BRD4: variants seen among roughly 807,000 people sequenced by gnomAD.
BRD4 encodes bromodomain containing 4.
In BRD4, 16 loss-of-function variants were observed where a neutral mutation model predicts 142.1. The observed-to-expected ratio is 0.11, with a 90% confidence interval of 0.08 to 0.17. BRD4 has a LOEUF of 0.17. Ranked by LOEUF, BRD4 falls within the 10% of genes least tolerant of loss-of-function variation. The pLI, the probability that BRD4 is intolerant of heterozygous loss-of-function variation, is 1.00. For synonymous variants in BRD4, 833 were observed against 707.5 expected (o/e 1.18, Z -2.82); for missense variants, 1,424 against 1,810.9 (o/e 0.79, Z 3.88).
At position 15,239,635 on chromosome 19, in the gene BRD4, G is replaced by C; in HGVS notation, c.3445+24C>G. ...CGGGCCTCGGGGGGCCTGAGCCCTG[G>C]CTGTGGGCAGGGAGAGCACTCACGC... On this transcript the variant is annotated intron_variant, in intron 16 of 19. Coordinates refer to ENST00000679869, the MANE Select transcript of BRD4 (RefSeq NM_001379291.1). The surrounding 1 kb of genome is among the most constrained non-coding windows in gnomAD (Gnocchi z 7.4). The C allele has an allele frequency of 6.4e-7, 1 of 1,563,202 alleles. No homozygotes were observed. Among genetic ancestry groups the C allele is most frequent in the African/African-American group, 1.4e-5 (1 of 73,096 alleles).
At chr19:15,317,245 G>T (rs1474882998) in intron 1 of BRD4, among the ~76,000 whole-genome samples, 1 of 152,152 alleles carries the variant, frequency 6.6e-6, no homozygotes, top group African/African-American at 2.4e-5. Flanking sequence ...TGTTTTCTGA[G>T]GACTTAAGGA....
chr19:15,308,214 A>G (rs1331894323), intron 1 of BRD4, among the ~76,000 whole-genome samples: 2 of 114,270 alleles, frequency 1.8e-5, no homozygotes, highest in Non-Finnish European at 3.4e-5. Context: ...CAAAACTCCC[A>G]TACCTATCAG....
intron 7 of BRD4, among the ~76,000 whole-genome samples, chr19:15,260,074 C>T (rs1038155886): frequency 1.4e-5 from 2 of 147,280 alleles, no homozygotes; most frequent in Admixed American, 1.3e-4. Flanking sequence ...GCCCCCTGCC[C>T]GGCATCCCAC....
intron 1 of BRD4, among the ~76,000 whole-genome samples, chr19:15,323,933 T>C (rs1599531814): frequency 6.6e-6 from 1 of 152,236 alleles, no homozygotes; most frequent in East Asian, 1.9e-4. Context: ...CCCAGGTCAG[T>C]ACCCACATGG....
chr19:15,266,446 G>A (rs1434783821), intron 4 of BRD4, among the ~76,000 whole-genome samples: 1 of 152,156 alleles, frequency 6.6e-6, no homozygotes, highest in Non-Finnish European at 1.5e-5. Context: ...TCCTTCCTCA[G>A]GCACAACTCC....
chr19:15,256,784 T>C (rs2047413879), intron 8 of BRD4, among the ~76,000 whole-genome samples, 180 bp downstream of exon 8: 1 of 152,096 alleles, frequency 6.6e-6, no homozygotes, highest in Non-Finnish European at 1.5e-5. Flanking sequence ...ACATATATCA[T>C]ACATACGTGT....
chr19:15,259,197 C>T (rs1941220278), intron 7 of BRD4, among the ~76,000 whole-genome samples: 1 of 152,178 alleles, frequency 6.6e-6, no homozygotes, highest in African/African-American at 2.4e-5. Context: ...GGCCTGCTGC[C>T]AAGCAGCAGG....
At chr19:15,312,636 AAAC>A (rs1165242941) in intron 1 of BRD4, among the ~76,000 whole-genome samples, 9 of 151,646 alleles carry the variant, frequency 5.9e-5, no homozygotes, top group African/African-American at 1.7e-4. Flanking sequence ...CCGTCAAATC[AAAC>A]AACAACCAAA....
intron 1 of BRD4, among the ~76,000 whole-genome samples, chr19:15,315,385 G>A (rs551727106): frequency 7.2e-5 from 11 of 152,230 alleles, no homozygotes; most frequent in Middle Eastern, 3.4e-3. Context: ...TGCAGTGAAT[G>A]CAGAACAGTG....
At chr19:15,307,829 G>A (rs900014802) in intron 1 of BRD4, among the ~76,000 whole-genome samples, 1 of 152,076 alleles carries the variant, frequency 6.6e-6, no homozygotes, top group African/African-American at 2.4e-5. Flanking sequence ...AACCAGCCCA[G>A]GTCGGCCAGA....
chr19:15,256,130 T>C lies in BRD4; in HGVS notation c.1685A>G (p.Lys562Arg). 1 of 1,611,916 alleles carries C rather than the reference T, an allele frequency of 6.2e-7. No individual in the cohort carries two copies. The highest frequency in any genetic ancestry group is 8.5e-7 in the Non-Finnish European group (1 of 1,179,834). Reference protein sequence around the residue: ...KRKEEVEENKKSKAKEPPPKK... With the variant: ...KRKEEVEENKRSKAKEPPPKK... ...AGGAGGAGGTTCCTTGGCTTTGCTTTTTTTATTCTCTTCCACTTCCTCTTT... is the reference window on the plus strand; with the variant it reads ...AGGAGGAGGTTCCTTGGCTTTGCTTCTTTTATTCTCTTCCACTTCCTCTTT... The change falls in exon 9 of 20, where the codon AAA (lysine) becomes AGA (arginine). Residue 562 changes from lysine (K) to arginine (R), a missense_variant. Lys to Arg is a conservative substitution (Grantham distance 26). Coordinates refer to ENST00000679869, the MANE Select transcript of BRD4 (RefSeq NM_001379291.1).
chr19:15,251,839 T>C (rs1201409999), intron 11 of BRD4, among the ~76,000 whole-genome samples: 1 of 152,022 alleles, frequency 6.6e-6, no homozygotes, highest in African/African-American at 2.4e-5. Context: ...TGGCCAGGAT[T>C]GGGAAGACAA....
intron 5 of BRD4, among the ~76,000 whole-genome samples, 194 bp from the exon 6 acceptor site, chr19:15,264,960 G>C (rs1010867783): frequency 1.3e-5 from 2 of 152,250 alleles, no homozygotes; most frequent in Non-Finnish European, 2.9e-5. Flanking sequence ...AGCTGGGACA[G>C]GACCTGCCTG....
intron 4 of BRD4, among the ~76,000 whole-genome samples, chr19:15,266,800 G>C (rs149580175): frequency 6.6e-6 from 1 of 152,298 alleles, no homozygotes; most frequent in African/African-American, 2.4e-5. Context: ...CTGCAGCATG[G>C]AGTTGCAAAG....
intron 14 of BRD4, among the ~76,000 whole-genome samples, chr19:15,241,172 C>T (rs2047235101): frequency 6.6e-6 from 1 of 152,248 alleles, no homozygotes; most frequent in South Asian, 2.1e-4. Context: ...GACATCTCCT[C>T]CAATTCTAGC....
chr19:15,253,130 C>A (rs2145559936), intron 11 of BRD4: 1 of 276,012 alleles, frequency 3.6e-6, no homozygotes, highest in Non-Finnish European at 6.9e-6. Context: ...GCCTGAGACC[C>A]TAGGGCCAGC....
rs192810352 is a variant in BRD4 at position 15,278,637 on chromosome 19, G to A, written c.-34-5504C>T. On this transcript the variant is annotated intron_variant, in intron 1 of 19. Transcript: ENST00000679869. ...TTTTTCAGACAGCTACACAGTTGTTGAGACATTGGTACTTATTCTGCTGCT... is the reference window on the plus strand; with the variant it reads ...TTTTTCAGACAGCTACACAGTTGTTAAGACATTGGTACTTATTCTGCTGCT... Among the ~76,000 whole-genome samples the A allele has an allele frequency of 1.5e-3, 221 of 146,564 alleles. 1 individual carries two copies. The highest frequency in any genetic ancestry group is 5.3e-3 in the African/African-American group (210 of 39,776).
intron 1 of BRD4, among the ~76,000 whole-genome samples, chr19:15,309,563 C>T (rs191839615): frequency 1.3e-5 from 2 of 152,108 alleles, no homozygotes; most frequent in African/African-American, 2.4e-5. Flanking sequence ...TCCTCCCCTA[C>T]GCATATGCCA....
At chr19:15,291,197 G>A (rs1300944383) in intron 1 of BRD4, among the ~76,000 whole-genome samples, 1 of 152,186 alleles carries the variant, frequency 6.6e-6, no homozygotes. Context: ...GTGAAGAACA[G>A]ACTGCAAATC....
Sources: gnomAD v4.1 joint callset for allele counts (sites outside exome capture counted in the v4.1 genomes callset) on GRCh38, gnomAD v4.1.1 for gene constraint, Gnocchi (gnomAD v3.1) non-coding constraint, MANE v1.5 for transcripts, NCBI Gene and HGNC (gene_info 2026-07-23, HGNC 2026-07-21) for gene names.